ALMS1: variants seen among roughly 807,000 people sequenced by gnomAD.
The protein encoded by ALMS1 is centrosome-associated protein ALMS1.
A neutral mutation model predicts 352.2 loss-of-function variants in ALMS1; 271 were observed. The observed-to-expected ratio is 0.77, with a 90% CI of 0.70 to 0.85. The LOEUF (loss-of-function observed/expected upper bound fraction) is 0.85, where lower values mean the gene tolerates loss of function less well. Ranked by LOEUF, ALMS1 falls within the 40% of genes least tolerant of loss-of-function variation. The pLI is 0.00. For synonymous variants in ALMS1, 1,865 were observed against 1,761.2 expected (o/e 1.06, Z -1.48); for missense variants, 5,445 against 4,870.7 (o/e 1.12, Z -3.51).
intron 16 of ALMS1, among the ~76,000 whole-genome samples, chr2:73,597,427 A>G (rs1675575072): frequency 1.3e-5 from 2 of 152,158 alleles, no homozygotes; most frequent in Non-Finnish European, 2.9e-5. Context: ...GAGACATTTT[A>G]TAAATAAAAA....
In ALMS1 at chr2:73,602,236, A is replaced by AT; in HGVS notation, c.12167dup (p.Arg4058AlafsTer26). The AT allele has an allele frequency of 6.2e-7, 1 of 1,614,088 alleles. No individual in the cohort carries two copies. On this transcript the variant is annotated frameshift_variant, in exon 20 of 23. Coordinates refer to ENST00000613296, the MANE Select transcript of ALMS1 (RefSeq NM_001378454.1). LOFTEE classifies it high-confidence loss of function. ...CTTCATCTCCCGCTCTGGGGAGCGG[A>AT]TAAAGCGCCTGAAGTTAATAGTCCA...
chr2:73,408,198 C>T (rs1280174703), intron 1 of ALMS1, among the ~76,000 whole-genome samples: 2 of 152,190 alleles, frequency 1.3e-5, no homozygotes, highest in Non-Finnish European at 2.9e-5. Flanking sequence ...ATGGTCACAA[C>T]GTTTATTGCC....
chr2:73,497,952 A>G (rs1673144018), intron 10 of ALMS1, among the ~76,000 whole-genome samples: 1 of 151,988 alleles, frequency 6.6e-6, no homozygotes. Flanking sequence ...GTTTACAGGC[A>G]TACCTCAGAT....
At chr2:73,446,354 C>G (rs1671810576) in intron 7 of ALMS1, among the ~76,000 whole-genome samples, 1 of 152,028 alleles carries the variant, frequency 6.6e-6, no homozygotes, top group Admixed American at 6.6e-5. Context: ...TTTAGAAAAA[C>G]AAGGTTTTGT....
chr2:73,411,318 C>A (rs1443370808), intron 2 of ALMS1, among the ~76,000 whole-genome samples: 1 of 151,992 alleles, frequency 6.6e-6, no homozygotes, highest in East Asian at 1.9e-4. Flanking sequence ...GAAGGACCCT[C>A]CCCTAGGGGC....
chr2:73,595,985 C>T (rs1386652381), intron 16 of ALMS1, among the ~76,000 whole-genome samples: 1 of 152,196 alleles, frequency 6.6e-6, no homozygotes, highest in Non-Finnish European at 1.5e-5. Context: ...AGGTTATCTT[C>T]CTACTGAGTT....
At position 73,609,779 on chromosome 2, in the gene ALMS1, A is replaced by C. The variant is rs1464861126; in HGVS notation, c.*167A>C. 1 of 705,368 alleles carries C rather than the reference A, an allele frequency of 1.4e-6. No individual in the cohort carries two copies. Among genetic ancestry groups the C allele is most frequent in the Non-Finnish European group, 2.4e-6 (1 of 408,862 alleles). 43.7% of individuals were successfully genotyped at this position (705,368 alleles called of 1,614,324 possible). A position where few individuals can be genotyped will look rare whatever the true frequency, so the allele number is the denominator to read the frequency against. ...GAACAAAGTGGTGATTAAAATTCCT[A>C]ATGGTTTGGGAGCAATACTTTCTGC... On this transcript the variant is annotated 3_prime_UTR_variant, in exon 23 of 23. Transcript: ENST00000613296.
At chr2:73,572,033 C>G (rs563152608) in intron 15 of ALMS1, among the ~76,000 whole-genome samples, 1 of 152,282 alleles carries the variant, frequency 6.6e-6, no homozygotes, top group South Asian at 2.1e-4. Context: ...CGTAGCCGGT[C>G]AGTGGCAGAG....
chr2:73,401,773 G>A (rs200407672), intron 1 of ALMS1, among the ~76,000 whole-genome samples: 2 of 151,290 alleles, frequency 1.3e-5, no homozygotes, highest in Non-Finnish European at 2.9e-5. Flanking sequence ...TATATTTTAC[G>A]TTGAATTGCT....
chr2:73,544,355 G>C (rs1573008828), intron 12 of ALMS1, among the ~76,000 whole-genome samples: 1 of 152,114 alleles, frequency 6.6e-6, no homozygotes, highest in South Asian at 2.1e-4. Context: ...TCACACACTG[G>C]GGCCTGTTGT....
intron 1 of ALMS1, among the ~76,000 whole-genome samples, chr2:73,390,901 G>T (rs1216046846): frequency 1.3e-5 from 2 of 152,022 alleles, no homozygotes; most frequent in Non-Finnish European, 2.9e-5. Flanking sequence ...CTCCGCAGTA[G>T]CTGGGACTAC....
At chr2:73,409,571 T>A (rs931811681) in intron 2 of ALMS1, among the ~76,000 whole-genome samples, 3 of 152,204 alleles carry the variant, frequency 2.0e-5, no homozygotes, top group Admixed American at 6.5e-5. Context: ...AAATAGTATA[T>A]TTTAAAGTAA....
chr2:73,597,784 T>G (rs918600204), intron 16 of ALMS1, among the ~76,000 whole-genome samples: 3 of 151,550 alleles, frequency 2.0e-5, no homozygotes, highest in African/African-American at 7.3e-5. Context: ...CACAGAGCTT[T>G]TTTTTTTTTT....
At chr2:73,558,147 G>C (rs1196018100) in intron 14 of ALMS1, among the ~76,000 whole-genome samples, 1 of 152,204 alleles carries the variant, frequency 6.6e-6, no homozygotes, top group Non-Finnish European at 1.5e-5. Flanking sequence ...TACCAGGGAA[G>C]CTGGGAAATT....
chr2:73,473,920 A>AAGAGAGAG (rs35028203), intron 9 of ALMS1, among the ~76,000 whole-genome samples: 2 of 148,564 alleles, frequency 1.3e-5, no homozygotes, highest in African/African-American at 5.0e-5. Flanking sequence ...TCTTAGAGGG[A>AAGAGAGAG]AGAGAGAGAG....
rs1231100277 is a variant in ALMS1, at chr2:73,557,319, C to A, written c.10178C>A (p.Ala3393Asp). 1 of 1,614,068 alleles carries A rather than the reference C, an allele frequency of 6.2e-7. No individual in the cohort carries two copies. The highest frequency in any genetic ancestry group is 1.1e-5 in the South Asian group (1 of 91,080). ...AGGGCAGTGACTGAGGCTGCCCAGG[C>A]TAAAGAAAAAGAATCTTTGCAGAAA... ...STRAVTEAAQ[A>D]KEKESLQKDT... Residue 3393 changes from alanine to aspartate, a missense_variant, in exon 14 of 23, where the codon GCT becomes GAT. Coordinates refer to ENST00000613296, the MANE Select transcript of ALMS1 (RefSeq NM_001378454.1).
chr2:73,404,899 C>CTTTTTTTTTTTTTTTTTTTT lies in ALMS1; in HGVS notation c.325-3712_325-3693dup, dbSNP rs58122480. Among the ~76,000 whole-genome samples, 4 of 60,788 alleles carry CTTTTTTTTTTTTTTTTTTTT rather than the reference C, an allele frequency of 6.6e-5. 2 individuals are homozygous for CTTTTTTTTTTTTTTTTTTTT. The highest frequency in any genetic ancestry group is 4.3e-4 in the African/African-American group (4 of 9,330). 39.9% of individuals were successfully genotyped at this position (60,788 alleles called of 152,430 possible). A position where few individuals can be genotyped will look rare whatever the true frequency, so the allele number is the denominator to read the frequency against. Reference sequence around the variant, plus strand: ...CCAGTGAAGCTTTCTTGTCCTGGACCTTTTTTTTTTTTTTTTTTTTTTTTT... The same window carrying CTTTTTTTTTTTTTTTTTTTT: ...CCAGTGAAGCTTTCTTGTCCTGGACCTTTTTTTTTTTTTTTTTTTTTTTTTTTTTTTTTTTTTTTTTTTTT... On this transcript the variant is annotated intron_variant, in intron 1 of 22. Coordinates refer to ENST00000613296, the MANE Select transcript of ALMS1 (RefSeq NM_001378454.1).
intron 1 of ALMS1, among the ~76,000 whole-genome samples, chr2:73,408,223 G>A (rs1671009234): frequency 6.6e-6 from 1 of 152,174 alleles, no homozygotes; most frequent in African/African-American, 2.4e-5. Context: ...TTCACTAGTA[G>A]GAGAGCGCTG....
chr2:73,475,001 G>A (rs1052848037), intron 9 of ALMS1, among the ~76,000 whole-genome samples: 1 of 152,048 alleles, frequency 6.6e-6, no homozygotes, highest in African/African-American at 2.4e-5. Context: ...TGTAATGTAT[G>A]ATCTTTTGTG....
Sources: allele counts gnomAD v4.1 joint callset (sites outside exome capture counted in the v4.1 genomes callset), GRCh38; gene constraint gnomAD v4.1.1; transcripts MANE v1.5; gene names NCBI Gene and HGNC (gene_info 2026-07-23, HGNC 2026-07-21).